Variants in SH3PXD2A observed in about 807,000 individuals in gnomAD.
SH3PXD2A encodes the protein SH3 and PX domains 2A.
A neutral mutation model predicts 115.2 loss-of-function variants in SH3PXD2A; 32 were observed. The observed-to-expected ratio is 0.28, with a 90% CI of 0.21 to 0.37. The LOEUF (loss-of-function observed/expected upper bound fraction) is 0.37, where lower values mean the gene tolerates loss of function less well. SH3PXD2A is among the 10% of genes least tolerant of loss of function. SH3PXD2A has a pLI of 1.00. For synonymous variants in SH3PXD2A, 610 were observed against 629.1 expected (o/e 0.97, Z 0.45); for missense variants, 1,328 against 1,498.7 (o/e 0.89, Z 1.88).
rs74816343 is a variant in SH3PXD2A, at chr10:103,602,778, C to T, written c.2440G>A (p.Gly814Arg). The change falls in exon 15 of 15, where the codon GGG (glycine) becomes AGG (arginine). Residue 814 changes from glycine (G) to arginine (R), a missense_variant. By Grantham distance (125) the Gly-to-Arg change is moderately radical (BLOSUM62 -2). Transcript: ENST00000369774. ...AGGTCGGATGAGCTTCTCCTAGACC[C>T]CTCACTGGGAGCCTCGGAGGCCGTC... is the stretch of plus-strand genomic sequence containing the variant. Reference protein sequence around the residue: ...PQTASEAPSEGSRRSSSDLIT... With the variant: ...PQTASEAPSERSRRSSSDLIT... The T allele has an allele frequency of 1.1e-4, 173 of 1,614,056 alleles. No individual in the cohort carries two copies. The African/African-American group carries it at 2.2e-3, about 20-fold the overall frequency.
At position 103,617,330 on chromosome 10, in the gene SH3PXD2A, A is replaced by C. The variant is rs550909382; in HGVS notation, c.803-16T>G. 7 of 1,574,682 alleles carry C rather than the reference A, an allele frequency of 4.4e-6. No individual in the cohort carries two copies. The South Asian group carries it at 5.5e-5, about 12-fold the overall frequency. On this transcript the variant is annotated splice_polypyrimidine_tract_variant and intron_variant, in intron 10 of 14. Coordinates refer to ENST00000369774, the MANE Select transcript of SH3PXD2A (RefSeq NM_001394015.1). ...TACTTCTCCTCTGGGGGTGGGAGCA[A>C]GCAAGCAAGATTATTTGAGGTCGGG...
At position 103,731,132 on chromosome 10, in the gene SH3PXD2A, G is replaced by T. The variant is rs144828788; in HGVS notation, c.306+4600C>A. Among the ~76,000 whole-genome samples the T allele has an allele frequency of 3.2e-3, 490 of 151,998 alleles. 1 individual carries two copies. The highest frequency in any genetic ancestry group is 0.014 in the Middle Eastern group (4 of 294). On this transcript the variant is annotated intron_variant, in intron 4 of 14. Transcript: ENST00000369774. ...AGGTGCTCAGATATTCTTCTCGGGG[G>T]CAGCAGGACTCCTCTGAAGGAGTCC...
intron 8 of SH3PXD2A, among the ~76,000 whole-genome samples, chr10:103,640,636 G>A (rs2036941425): frequency 6.6e-6 from 1 of 152,184 alleles, no homozygotes; most frequent in Non-Finnish European, 1.5e-5. Context: ...CACAAAATGG[G>A]CAACGGTCCC....
At chr10:103,617,148 G>A in intron 11 of SH3PXD2A, 49 bp downstream of exon 11, 1 of 1,341,902 alleles carries the variant, frequency 7.5e-7, no homozygotes, top group Non-Finnish European at 1.1e-6. Context: ...CTCTGCCCAG[G>A]GCCCAGGTGG....
intron 3 of SH3PXD2A, 25 bp from the exon 4 acceptor site, chr10:103,735,833 G>A (rs2038373705): frequency 6.3e-7 from 1 of 1,599,068 alleles, no homozygotes; most frequent in South Asian, 1.1e-5. Context: ...CTCATGAGTG[G>A]GGGATTCTGG....
rs201439736 is a variant in SH3PXD2A, at chr10:103,602,478, C to T, written c.2740G>A (p.Ala914Thr). The T allele has an allele frequency of 1.2e-4, 193 of 1,614,144 alleles. No homozygotes were observed. Among genetic ancestry groups the T allele is most frequent in the Non-Finnish European group, 1.5e-4 (173 of 1,180,008 alleles). Residue 914 changes from alanine (A) to threonine (T), a missense_variant, in exon 15 of 15, where the codon GCC becomes ACC. Transcript: ENST00000369774. ...PSGKELDTVP[A>T]KGRQNEGKSD... ...TTGCCTTCGTTCTGCCTGCCCTTGG[C>T]GGGCACTGTGTCCAGCTCTTTGCCA...
At chr10:103,713,291 C>T (rs2038067267) in intron 5 of SH3PXD2A, among the ~76,000 whole-genome samples, 1 of 152,148 alleles carries the variant, frequency 6.6e-6, no homozygotes, top group Admixed American at 6.5e-5. Flanking sequence ...AGCCATCCAG[C>T]CCCTCTCTAG....
chr10:103,685,629 C>T (rs1215887027), intron 6 of SH3PXD2A, among the ~76,000 whole-genome samples: 2 of 152,216 alleles, frequency 1.3e-5, no homozygotes, highest in African/African-American at 4.8e-5. Flanking sequence ...CTTAGTGCTT[C>T]CTCTAGGCCA....
intron 8 of SH3PXD2A, among the ~76,000 whole-genome samples, chr10:103,636,545 G>C (rs976659171): frequency 6.6e-6 from 1 of 152,136 alleles, no homozygotes; most frequent in African/African-American, 2.4e-5. Flanking sequence ...GACTCTCCAG[G>C]AATGGGGGAG....
At chr10:103,622,125 G>T (rs1395277955) in intron 10 of SH3PXD2A, among the ~76,000 whole-genome samples, 1 of 152,158 alleles carries the variant, frequency 6.6e-6, no homozygotes, top group African/African-American at 2.4e-5. Context: ...GACACGCTTA[G>T]CTCCTTTAAT....
At chr10:103,635,852 TA>T (rs1178271153) in intron 8 of SH3PXD2A, among the ~76,000 whole-genome samples, 1 of 152,110 alleles carries the variant, frequency 6.6e-6, no homozygotes, top group Non-Finnish European at 1.5e-5. Flanking sequence ...CTGTGAGCCT[TA>T]AGTAACAACC....
At position 103,601,502 on chromosome 10, in the gene SH3PXD2A, A is replaced by T. The variant is rs1333483790; in HGVS notation, c.*314T>A. Reference sequence around the variant, plus strand: ...TGGGGTCTCCCACATGGCCTGTCCCAGATGGCATGTAATCCATTGGTGAAG... The same window carrying T: ...TGGGGTCTCCCACATGGCCTGTCCCTGATGGCATGTAATCCATTGGTGAAG... On this transcript the variant is annotated 3_prime_UTR_variant, in exon 15 of 15. Transcript: ENST00000369774. The T allele has an allele frequency of 4.2e-6, 1 of 235,562 alleles. No individual in the cohort carries two copies. Among genetic ancestry groups the T allele is most frequent in the Non-Finnish European group, 8.3e-6 (1 of 120,632 alleles). The allele number at this position is 235,562 out of a possible 1,614,324, so 14.6% of individuals were successfully genotyped here.
chr10:103,648,360 G>A (rs182801583), intron 8 of SH3PXD2A, among the ~76,000 whole-genome samples: 4 of 152,260 alleles, frequency 2.6e-5, no homozygotes, highest in East Asian at 1.9e-4. Context: ...TGAGAAGGAC[G>A]GGGGAGGGGG....
chr10:103,653,289 C>T (rs2037158177), intron 8 of SH3PXD2A, among the ~76,000 whole-genome samples: 2 of 152,216 alleles, frequency 1.3e-5, no homozygotes, highest in South Asian at 4.1e-4. Flanking sequence ...ACCAGCTTCA[C>T]AGGCCCCTTG....
At chr10:103,776,434 GTC>G (rs1247103488) in intron 2 of SH3PXD2A, among the ~76,000 whole-genome samples, 112 of 101,358 alleles carry the variant, frequency 1.1e-3, no homozygotes, top group African/African-American at 3.9e-3. Flanking sequence ...GCGTGTGTGT[GTC>G]TGTGTGTGTG....
intron 1 of SH3PXD2A, among the ~76,000 whole-genome samples, chr10:103,829,358 C>G (rs2039463457): frequency 6.6e-6 from 1 of 152,142 alleles, no homozygotes; most frequent in Admixed American, 6.5e-5. Flanking sequence ...GTTAAAGAGG[C>G]TCTCTGAGTT....
At chr10:103,705,800 A>G (rs1402622705) in intron 5 of SH3PXD2A, among the ~76,000 whole-genome samples, 1 of 152,160 alleles carries the variant, frequency 6.6e-6, no homozygotes, top group Non-Finnish European at 1.5e-5. Flanking sequence ...TACCCAAATG[A>G]CCAGCCTGGC....
chr10:103,658,622 C>T (rs948134823), intron 8 of SH3PXD2A, among the ~76,000 whole-genome samples: 2 of 152,200 alleles, frequency 1.3e-5, no homozygotes, highest in African/African-American at 4.8e-5. Context: ...TAGATAGCAA[C>T]AGACGGGTTT....
intron 3 of SH3PXD2A, among the ~76,000 whole-genome samples, chr10:103,736,216 C>T (rs780580507): frequency 1.1e-4 from 17 of 152,362 alleles, no homozygotes; most frequent in Admixed American, 3.3e-4. Flanking sequence ...AATCGGCATT[C>T]GTTCCTGCCA....
Sources: allele counts gnomAD v4.1 joint callset (sites outside exome capture counted in the v4.1 genomes callset), GRCh38; gene constraint gnomAD v4.1.1; transcripts MANE v1.5; gene names NCBI Gene and HGNC (gene_info 2026-07-23, HGNC 2026-07-21).